DOCK4: variants seen among roughly 807,000 people sequenced by gnomAD.
DOCK4 encodes the protein dedicator of cytokinesis protein 4.
Under a neutral mutation model 268.1 loss-of-function variants are expected in DOCK4, and 97 were observed. The ratio of observed to expected loss-of-function variants is 0.36; its 90% CI spans 0.31 to 0.43. The LOEUF is 0.43. Ranked by LOEUF, DOCK4 falls within the 20% of genes least tolerant of loss-of-function variation. DOCK4 has a pLI of 1.00. For missense variants in DOCK4, 2,145 were observed against 2,455.7 expected (o/e 0.87, Z 2.67); for synonymous variants, 954 against 887.2 (o/e 1.08, Z -1.34).
chr7:112,045,028 C>A (rs1295645287), intron 1 of DOCK4, among the ~76,000 whole-genome samples: 1 of 152,170 alleles, frequency 6.6e-6, no homozygotes, highest in Non-Finnish European at 1.5e-5. Context: ...AAACTCACAT[C>A]CTTTTCACAG....
chr7:111,924,300 G>A (rs900546841), intron 12 of DOCK4, among the ~76,000 whole-genome samples: 2 of 152,102 alleles, frequency 1.3e-5, no homozygotes, highest in African/African-American at 4.8e-5. Flanking sequence ...CATCATAGGT[G>A]TGGAAGCGAC....
intron 1 of DOCK4, among the ~76,000 whole-genome samples, chr7:112,082,571 C>T (rs1481354249): frequency 6.6e-6 from 1 of 152,078 alleles, no homozygotes; most frequent in Non-Finnish European, 1.5e-5. Flanking sequence ...TTTTTCTCTT[C>T]CTGTAAGAAA....
intron 36 of DOCK4, among the ~76,000 whole-genome samples, chr7:111,775,706 G>C (rs887423959): frequency 2.0e-5 from 3 of 152,190 alleles, no homozygotes; most frequent in Admixed American, 1.3e-4. Context: ...GACATTTCTG[G>C]CCTCACTCAG....
intron 8 of DOCK4, among the ~76,000 whole-genome samples, chr7:111,972,672 C>T (rs1312275909): frequency 6.6e-6 from 1 of 151,632 alleles, no homozygotes; most frequent in Admixed American, 6.6e-5. Context: ...TACATTCTAC[C>T]CTTTTTTACG....
intron 1 of DOCK4, among the ~76,000 whole-genome samples, chr7:112,165,912 C>T (rs1817574723): frequency 6.6e-6 from 1 of 152,068 alleles, no homozygotes; most frequent in Non-Finnish European, 1.5e-5. Context: ...TGACATCCCT[C>T]GCCCCCTCCA....
chr7:111,788,165 A>G (rs1799302830), intron 32 of DOCK4, among the ~76,000 whole-genome samples: 1 of 152,252 alleles, frequency 6.6e-6, no homozygotes, highest in African/African-American at 2.4e-5. Context: ...ATTCTAATAA[A>G]AAGCATTTAG....
intron 32 of DOCK4, among the ~76,000 whole-genome samples, chr7:111,787,564 C>G (rs993902197): frequency 6.6e-6 from 1 of 152,102 alleles, no homozygotes; most frequent in Non-Finnish European, 1.5e-5. Flanking sequence ...ATGTAATTTT[C>G]TTAAAAGCTT....
intron 42 of DOCK4, among the ~76,000 whole-genome samples, chr7:111,749,328 G>C (rs896843613): frequency 3.3e-5 from 5 of 152,142 alleles, no homozygotes; most frequent in African/African-American, 9.7e-5. Flanking sequence ...AACATAGAAT[G>C]GTGGTTCCCA....
At chr7:112,050,644 CAGAG>C (rs142683638) in intron 1 of DOCK4, among the ~76,000 whole-genome samples, 1 of 150,434 alleles carries the variant, frequency 6.6e-6, no homozygotes, top group Non-Finnish European at 1.5e-5. Flanking sequence ...AAGAGTCTGA[CAGAG>C]AGAGAGAGAG....
chr7:111,808,838 C>A lies in DOCK4; in HGVS notation c.3149G>T (p.Ser1050Ile). ...MRVTMGCEIFSMWQNLGEHKL... is the reference protein window; with the variant it reads ...MRVTMGCEIFIMWQNLGEHKL... ...TCACTTACCTAGGTTTTGCCACATGCTGAAAATTTCACAACCCATTGTTAC... is the reference window on the plus strand; with the variant it reads ...TCACTTACCTAGGTTTTGCCACATGATGAAAATTTCACAACCCATTGTTAC... The change falls in exon 30 of 53, where the codon AGC becomes ATC. Residue 1050 changes from serine to isoleucine, a missense_variant. This residue lies in a region of DOCK4 where 1,598 missense variants were observed against 1,986.7 expected (regional missense o/e 0.80). Transcript: ENST00000428084. 1.2e-6 allele frequency: 2 copies of A among 1,612,972 alleles called. No homozygotes were observed. The highest frequency in any genetic ancestry group is 1.7e-6 in the Non-Finnish European group (2 of 1,179,510).
At chr7:111,948,748 C>T (rs1403209871) in intron 8 of DOCK4, among the ~76,000 whole-genome samples, 2 of 151,922 alleles carry the variant, frequency 1.3e-5, no homozygotes, top group African/African-American at 4.8e-5. Flanking sequence ...GTGTGCACCA[C>T]CACGCCTGGC....
At chr7:112,164,662 T>C (rs1030017434) in intron 1 of DOCK4, among the ~76,000 whole-genome samples, 2 of 152,234 alleles carry the variant, frequency 1.3e-5, no homozygotes, top group Non-Finnish European at 2.9e-5. Context: ...TTACACTCAA[T>C]ACTTACAATT....
chr7:111,853,806 T>C (rs538027067), intron 23 of DOCK4, among the ~76,000 whole-genome samples: 7 of 152,306 alleles, frequency 4.6e-5, no homozygotes, highest in African/African-American at 1.7e-4. Flanking sequence ...GACTCCTACA[T>C]AGCCACCCTG....
At chr7:111,797,979 C>G (rs1368596708) in intron 30 of DOCK4, among the ~76,000 whole-genome samples, 5 of 152,150 alleles carry the variant, frequency 3.3e-5, no homozygotes, top group Non-Finnish European at 7.4e-5. Flanking sequence ...CCACTTTGGT[C>G]TTTTATAATA....
At chr7:112,184,993 G>A (rs1205806545) in intron 1 of DOCK4, among the ~76,000 whole-genome samples, 1 of 152,116 alleles carries the variant, frequency 6.6e-6, no homozygotes, top group African/African-American at 2.4e-5. Context: ...GATAAACAAG[G>A]CAAAGAGTAT....
intron 1 of DOCK4, among the ~76,000 whole-genome samples, chr7:112,066,497 C>CT (rs1563051153): frequency 7.7e-6 from 1 of 129,964 alleles, no homozygotes; most frequent in African/African-American, 4.0e-5. Context: ...TCTCTCTCTC[C>CT]CTCTCTCTCT....
chr7:111,847,639 T>A (rs1804220805), intron 23 of DOCK4, among the ~76,000 whole-genome samples: 2 of 152,228 alleles, frequency 1.3e-5, no homozygotes, highest in South Asian at 4.1e-4. Context: ...TGAATATGTC[T>A]CACAAGATCT....
intron 7 of DOCK4, among the ~76,000 whole-genome samples, chr7:111,983,845 C>CGCGCGCGCGTGCGCGCGCGCGT (rs1554402974): frequency 1.0e-5 from 1 of 98,070 alleles, no homozygotes; most frequent in African/African-American, 6.4e-5. Context: ...TACACACACA[C>CGCGCGCGCGTGCGCGCGCGCGT]GCGCGCGCGC....
At chr7:111,822,217 T>C (rs1802037938) in intron 27 of DOCK4, 145 bp downstream of exon 27, 2 of 628,414 alleles carry the variant, frequency 3.2e-6, no homozygotes, top group Non-Finnish European at 2.7e-6. Context: ...ATAGTAATTC[T>C]AAACAAGTGG....
Sources: allele counts gnomAD v4.1 joint callset (sites outside exome capture counted in the v4.1 genomes callset), GRCh38; gene constraint gnomAD v4.1.1; regional missense constraint gnomAD v4.1.1; transcripts MANE v1.5; gene names NCBI Gene and HGNC (gene_info 2026-07-23, HGNC 2026-07-21).